The following CPE variants were observed in gnomAD, a reference collection of about 807,000 sequenced individuals.
CPE encodes carboxypeptidase E, also known as carbocypeptidase E.
CPE carries 17 observed loss-of-function variants against 53.5 expected under a neutral mutation model. That is an observed-to-expected ratio of 0.32 (90% CI 0.22 to 0.48). The LOEUF is 0.48. Ranked by LOEUF, CPE falls within the 20% of genes least tolerant of loss-of-function variation. The probability of loss-of-function intolerance (pLI) is 0.99; values close to 1 mark genes in which losing one functional copy is unlikely to be tolerated. For missense variants in CPE, 524 were observed against 614.7 expected (o/e 0.85, Z 1.56); for synonymous variants, 226 against 228.8 (o/e 0.99, Z 0.11).
At chr4:165,491,504 A>C (rs1368154374) in intron 6 of CPE, among the ~76,000 whole-genome samples, 1 of 152,064 alleles carries the variant, frequency 6.6e-6, no homozygotes, top group African/African-American at 2.4e-5. Context: ...TTTAATTCAG[A>C]AAGTTAAGTT....
rs777344411 is a variant in CPE, at chr4:165,424,879, C to CTTTTTTTTT, written c.308-39506_308-39498dup. Among the ~76,000 whole-genome samples the CTTTTTTTTT allele has an allele frequency of 7.3e-5, 10 of 137,736 alleles. 2 individuals carry two copies. The highest frequency in any genetic ancestry group is 1.4e-4 in the Non-Finnish European group (9 of 63,930). 90.4% of individuals were successfully genotyped at this position (137,736 alleles called of 152,430 possible). A position where few individuals can be genotyped will look rare whatever the true frequency, so the allele number is the denominator to read the frequency against. ...TCTGTAATGATTTAAAAAGTAGAAA[C>CTTTTTTTTT]TTTTTTTTTTTTTGAGACAGAGTCT... On this transcript the variant is annotated intron_variant, in intron 1 of 8. Coordinates refer to ENST00000402744, the MANE Select transcript of CPE (RefSeq NM_001873.4).
At chr4:165,393,178 G>T (rs946194936) in intron 1 of CPE, among the ~76,000 whole-genome samples, 5 of 151,858 alleles carry the variant, frequency 3.3e-5, no homozygotes, top group Admixed American at 3.3e-4. Flanking sequence ...ATAAGAACAA[G>T]AACAAAAAAA....
intron 1 of CPE, among the ~76,000 whole-genome samples, chr4:165,453,266 A>C (rs187206382): frequency 6.7e-6 from 1 of 149,236 alleles, no homozygotes; most frequent in African/African-American, 2.5e-5. Flanking sequence ...CAATTTTCTT[A>C]TTTTCTTTCT....
chr4:165,405,035 C>T (rs895668638), intron 1 of CPE: 8 of 724,354 alleles, frequency 1.1e-5, no homozygotes, highest in Non-Finnish European at 2.0e-5. Flanking sequence ...CATCCATCAC[C>T]ATGTCTGTCT....
intron 5 of CPE, among the ~76,000 whole-genome samples, chr4:165,486,825 C>T (rs1732513028): frequency 1.3e-5 from 2 of 152,152 alleles, no homozygotes; most frequent in South Asian, 4.2e-4. Flanking sequence ...CACCCTCTCC[C>T]CTTTCAATTT....
intron 1 of CPE, among the ~76,000 whole-genome samples, chr4:165,454,753 G>A (rs1294183507): frequency 6.6e-6 from 1 of 152,156 alleles, no homozygotes; most frequent in East Asian, 1.9e-4. Flanking sequence ...CTATGATGAC[G>A]TACAGTTTTC....
intron 1 of CPE, among the ~76,000 whole-genome samples, chr4:165,420,452 A>G (rs1731189360): frequency 6.6e-6 from 1 of 152,002 alleles, no homozygotes; most frequent in African/African-American, 2.4e-5. Context: ...TTTCATATAA[A>G]TATTTTGTTT....
At chr4:165,406,228 T>G (rs757438705) in intron 1 of CPE, 35 of 661,704 alleles carry the variant, frequency 5.3e-5, no homozygotes, top group Non-Finnish European at 9.2e-5. Context: ...CCATAGTTAA[T>G]ATGGGTTCTG....
chr4:165,449,773 T>C (rs2126691139), intron 1 of CPE, among the ~76,000 whole-genome samples: 1 of 152,270 alleles, frequency 6.6e-6, no homozygotes, highest in African/African-American at 2.4e-5. Flanking sequence ...TGGGGCACAT[T>C]GCTTTATCTT....
At chr4:165,439,192 C>A (rs1731564503) in intron 1 of CPE, among the ~76,000 whole-genome samples, 1 of 152,124 alleles carries the variant, frequency 6.6e-6, no homozygotes, top group African/African-American at 2.4e-5. Context: ...AACCAACCAA[C>A]CAAACCAATG....
At chr4:165,429,266 C>T (rs1731369971) in intron 1 of CPE, among the ~76,000 whole-genome samples, 1 of 152,142 alleles carries the variant, frequency 6.6e-6, no homozygotes, top group Non-Finnish European at 1.5e-5. Flanking sequence ...TCAGCCAGGC[C>T]ATGTGGACTC....
At chr4:165,481,666 T>G (rs771460366) in intron 3 of CPE, among the ~76,000 whole-genome samples, 9 of 152,296 alleles carry the variant, frequency 5.9e-5, no homozygotes, top group Non-Finnish European at 1.3e-4. Context: ...ATTTTAAAAT[T>G]TAAGATGACC....
At chr4:165,476,469 T>C (rs1732303034) in intron 3 of CPE, among the ~76,000 whole-genome samples, 3 of 149,560 alleles carry the variant, frequency 2.0e-5, no homozygotes, top group African/African-American at 7.3e-5. Flanking sequence ...AGGAAGGTCA[T>C]ATACCAGTTA....
chr4:165,444,544 G>A (rs1473045235), intron 1 of CPE, among the ~76,000 whole-genome samples: 2 of 152,114 alleles, frequency 1.3e-5, no homozygotes, highest in Non-Finnish European at 2.9e-5. Flanking sequence ...ATCACCATGA[G>A]AGGTAGATCA....
intron 6 of CPE, among the ~76,000 whole-genome samples, chr4:165,490,108 G>T (rs1162034842): frequency 6.6e-6 from 1 of 152,190 alleles, no homozygotes; most frequent in African/African-American, 2.4e-5. Flanking sequence ...GAACACCTGG[G>T]CCTAAAATCT....
chr4:165,471,455 A>G (rs57508190), intron 3 of CPE, among the ~76,000 whole-genome samples: 1 of 152,202 alleles, frequency 6.6e-6, no homozygotes, highest in African/African-American at 2.4e-5. Context: ...TTAAAAACAA[A>G]TCATGATAGG....
intron 1 of CPE, among the ~76,000 whole-genome samples, chr4:165,431,580 C>T (rs1269953065): frequency 2.6e-5 from 4 of 152,112 alleles, no homozygotes; most frequent in African/African-American, 9.7e-5. Flanking sequence ...CTGAAAAAGA[C>T]CAGGCATTTT....
chr4:165,430,634 T>C (rs988851377), intron 1 of CPE, among the ~76,000 whole-genome samples: 1 of 148,460 alleles, frequency 6.7e-6, no homozygotes, highest in African/African-American at 2.5e-5. Context: ...TGAAAAAATA[T>C]AAATCAATAT....
chr4:165,483,449 A>C (rs1732454769), intron 4 of CPE, among the ~76,000 whole-genome samples: 1 of 152,252 alleles, frequency 6.6e-6, no homozygotes, highest in Admixed American at 6.5e-5. Flanking sequence ...TGCCATAAAC[A>C]TATGAGTGCA....
Sources: gnomAD v4.1 joint callset for allele counts (sites outside exome capture counted in the v4.1 genomes callset) on GRCh38, gnomAD v4.1.1 for gene constraint, MANE v1.5 for transcripts, NCBI Gene and HGNC (gene_info 2026-07-23, HGNC 2026-07-21) for gene names.